The following UST variants were observed in gnomAD, a reference collection of about 807,000 sequenced individuals.
UST encodes the protein uronyl 2-sulfotransferase.
Under a neutral mutation model 45.6 loss-of-function variants are expected in UST, and 21 were observed. The observed-to-expected ratio is 0.46, with a 90% CI of 0.33 to 0.66. The LOEUF is 0.66. Among genes scored for constraint, UST ranks in the 30% least tolerant of loss-of-function variants. UST has a pLI of 0.02. For missense variants in UST, 463 were observed against 512.4 expected (o/e 0.90, Z 0.93); for synonymous variants, 215 against 200.6 (o/e 1.07, Z -0.61).
chr6:148,844,045 G>A (rs1777937458), intron 1 of UST, among the ~76,000 whole-genome samples: 1 of 152,144 alleles, frequency 6.6e-6, no homozygotes. Context: ...CTATTTCAAG[G>A]ACTAATTTAT....
At chr6:149,069,078 CT>C (rs1247242944) in intron 7 of UST, among the ~76,000 whole-genome samples, 5 of 152,176 alleles carry the variant, frequency 3.3e-5, no homozygotes, top group Admixed American at 1.3e-4. Flanking sequence ...TGATTTCTTT[CT>C]TTTTTATGGC....
chr6:148,948,760 T>C (rs184627971), intron 3 of UST, among the ~76,000 whole-genome samples: 20 of 152,318 alleles, frequency 1.3e-4, no homozygotes, highest in Non-Finnish European at 2.9e-4. Context: ...ATAAACCTTC[T>C]TTGTTCTCCA....
At chr6:148,887,533 C>T (rs1778935502) in intron 2 of UST, among the ~76,000 whole-genome samples, 1 of 152,184 alleles carries the variant, frequency 6.6e-6, no homozygotes, top group Non-Finnish European at 1.5e-5. Context: ...TTTTGTCTGA[C>T]TTAAGGGGCA....
Position 149,019,233 on chromosome 6 carries a change from G to T in UST, c.776G>T (p.Cys259Phe), listed in dbSNP as rs753184740. ...IPYFCGQHPR[C>F]REPGEWALER... ...TACTTTTGTGGACAGCATCCCAGAT[G>T]CAGGTAAGGGCTAAAGCAGGGTCAT... Residue 259 changes from cysteine (C) to phenylalanine (F), a missense_variant, in exon 6 of 8, where the codon TGC becomes TTC. Around this residue, in one of 2 missense-constraint regions of UST, gnomAD observed 287 missense variants for 374.2 expected, o/e 0.77. Transcript: ENST00000367463. 6.2e-7 allele frequency: 1 copy of T among 1,613,264 alleles called. No individual in the cohort carries two copies. Among genetic ancestry groups the T allele is most frequent in the South Asian group, 1.1e-5 (1 of 91,060 alleles).
At chr6:148,999,333 A>G (rs1278409928) in intron 5 of UST, among the ~76,000 whole-genome samples, 5 of 152,194 alleles carry the variant, frequency 3.3e-5, no homozygotes, top group Admixed American at 1.3e-4. Flanking sequence ...ATCTTCAAAG[A>G]CCACTTTTAG....
intron 1 of UST, among the ~76,000 whole-genome samples, chr6:148,846,606 TA>T (rs1488663967): frequency 6.6e-6 from 1 of 151,710 alleles, no homozygotes; most frequent in African/African-American, 2.4e-5. Flanking sequence ...ATAATAATAA[TA>T]AAAAATAAAA....
chr6:149,009,115 T>G (rs1196315943), intron 5 of UST, among the ~76,000 whole-genome samples: 1 of 152,154 alleles, frequency 6.6e-6, no homozygotes, highest in Non-Finnish European at 1.5e-5. Flanking sequence ...TCAGAGAGAT[T>G]GGAGAAAATG....
intron 1 of UST, among the ~76,000 whole-genome samples, chr6:148,825,070 C>T (rs2114749829): frequency 6.6e-6 from 1 of 152,136 alleles, no homozygotes; most frequent in African/African-American, 2.4e-5. Flanking sequence ...TTCTTAAGTA[C>T]AGAATCTGGT....
At chr6:148,968,796 A>C (rs1167727296) in intron 5 of UST, among the ~76,000 whole-genome samples, 1 of 152,212 alleles carries the variant, frequency 6.6e-6, no homozygotes, top group Admixed American at 6.5e-5. Flanking sequence ...CAAAAATGTC[A>C]AATTGGGCTG....
intron 4 of UST, among the ~76,000 whole-genome samples, chr6:148,957,609 T>C (rs1387621127): frequency 1.3e-5 from 2 of 152,128 alleles, no homozygotes; most frequent in Admixed American, 6.6e-5. Flanking sequence ...AATTTTTCTA[T>C]TTTTAGTGGA....
In UST at chr6:149,021,379, C is replaced by T. The variant is rs1468337757; in HGVS notation, c.835C>T (p.Leu279=). The change falls in exon 7 of 8, where the codon CTG becomes TTG. Residue 279 remains leucine (L), a synonymous_variant. Transcript: ENST00000367463. The part of the protein sequence containing the change: ...RAKLNVNENF[L]LVGILEELED... ...AAAGCTGAACGTGAATGAAAACTTC[C>T]TGCTCGTGGGGATTCTTGAAGAGTT... 1 of 1,614,010 alleles carries T rather than the reference C, an allele frequency of 6.2e-7. No individual in the cohort carries two copies. Among genetic ancestry groups the T allele is most frequent in the Non-Finnish European group, 8.5e-7 (1 of 1,180,030 alleles).
intron 2 of UST, among the ~76,000 whole-genome samples, chr6:148,898,033 A>G (rs757725553): frequency 3.3e-5 from 5 of 152,210 alleles, no homozygotes; most frequent in Non-Finnish European, 7.3e-5. Flanking sequence ...CAAAAGTACA[A>G]AAGTGAAGCT....
At position 148,822,564 on chromosome 6, in the gene UST, A is replaced by T. The variant is rs140958214; in HGVS notation, c.248-64422A>T. ...AGAGAGAGAATATAGTATTCTGCAT[A>T]GTCTGTAAAACCAAGCCCCATGCAT... On this transcript the variant is annotated intron_variant, in intron 1 of 7. Transcript: ENST00000367463. Among the ~76,000 whole-genome samples, 611 of 152,350 alleles carry T rather than the reference A, an allele frequency of 4.0e-3. 16 individuals are homozygous for T. The highest frequency in any genetic ancestry group is 0.034 in the Admixed American group (520 of 15,302).
At chr6:148,925,258 A>T (rs959870733) in intron 2 of UST, among the ~76,000 whole-genome samples, 1 of 152,238 alleles carries the variant, frequency 6.6e-6, no homozygotes, top group South Asian at 2.1e-4. Context: ...TGAAGGCAGG[A>T]CAGCAACGGT....
intron 1 of UST, among the ~76,000 whole-genome samples, chr6:148,829,307 G>A (rs1777638658): frequency 6.6e-6 from 1 of 152,180 alleles, no homozygotes; most frequent in Non-Finnish European, 1.5e-5. Flanking sequence ...CCATGCATAT[G>A]GCTTTGGCCT....
At chr6:148,954,491 GT>G (rs1259169458) in intron 4 of UST, among the ~76,000 whole-genome samples, 2 of 152,086 alleles carry the variant, frequency 1.3e-5, no homozygotes, top group Non-Finnish European at 2.9e-5. Flanking sequence ...TCTTTTCTAT[GT>G]TTAGATACAC....
intron 4 of UST, among the ~76,000 whole-genome samples, chr6:148,963,475 T>G (rs1448527064): frequency 6.9e-6 from 1 of 145,032 alleles, no homozygotes; most frequent in Non-Finnish European, 1.5e-5. Flanking sequence ...CTCATCACTC[T>G]GCTTCGGGAA....
At chr6:148,979,560 C>G (rs1004761975) in intron 5 of UST, among the ~76,000 whole-genome samples, 2 of 152,194 alleles carry the variant, frequency 1.3e-5, no homozygotes, top group Non-Finnish European at 2.9e-5. Context: ...AAATCTTTGA[C>G]TAAGACCCTG....
At chr6:148,780,137 A>T (rs904860623) in intron 1 of UST, among the ~76,000 whole-genome samples, 13 of 151,272 alleles carry the variant, frequency 8.6e-5, no homozygotes, top group African/African-American at 3.2e-4. Context: ...ATACACACAC[A>T]CACACACACT....
Sources: allele counts gnomAD v4.1 joint callset (sites outside exome capture counted in the v4.1 genomes callset), GRCh38; gene constraint gnomAD v4.1.1; regional missense constraint gnomAD v4.1.1; transcripts MANE v1.5; gene names NCBI Gene and HGNC (gene_info 2026-07-23, HGNC 2026-07-21).